SNX33: variants seen among roughly 807,000 people sequenced by gnomAD.
The protein encoded by SNX33 is sorting nexin-33.
SNX33 carries 19 observed loss-of-function variants against 38.8 expected under a neutral mutation model. That is an observed-to-expected ratio of 0.49 (90% CI 0.34 to 0.72). The LOEUF is 0.72. Ranked by LOEUF, SNX33 falls within the 30% of genes least tolerant of loss-of-function variation. The pLI, the probability that SNX33 is intolerant of heterozygous loss-of-function variation, is 0.01. For missense variants in SNX33, 641 were observed against 776.4 expected, an observed-to-expected ratio of 0.83 and a Z score of 2.07; for synonymous variants, 246 against 289.7, an observed-to-expected ratio of 0.85 and a Z score of 1.53.
intron 1 of SNX33, among the ~76,000 whole-genome samples, chr15:75,651,443 G>C (rs148457944): frequency 2.6e-5 from 4 of 152,274 alleles, no homozygotes; most frequent in Non-Finnish European, 5.9e-5. Context: ...GACCCCCTCT[G>C]TGGGGGAGGG....
chr15:75,649,837 C>T lies in SNX33; in HGVS notation c.735C>T (p.Gly245=). 6 of 1,523,478 alleles carry T rather than the reference C, an allele frequency of 3.9e-6. No homozygotes were observed. Among genetic ancestry groups the T allele is most frequent in the Non-Finnish European group, 5.3e-6 (6 of 1,136,354 alleles). The allele number at this position is 1,523,478 out of a possible 1,614,324, so 94.4% of individuals were successfully genotyped here. Residue 245 remains glycine, a synonymous_variant, in exon 1 of 2, where the codon GGC becomes GGT. Transcript: ENST00000308527. The surrounding 1 kb of genome is among the most constrained non-coding windows in gnomAD (Gnocchi z 6.6). ...EDPTKQTKFK[G]IKSYISYKLT... The stretch of plus-strand genomic sequence containing the variant: ...CCACAAAACAGACCAAATTCAAGGG[C>T]ATCAAAAGCTACATCTCCTACAAGC...
At position 75,648,095 on chromosome 15, in the gene SNX33, C is replaced by T. The variant is rs1475436319; in HGVS notation, c.-1008C>T. On this transcript the variant is annotated 5_prime_UTR_variant, in exon 1 of 2. Transcript: ENST00000308527. The surrounding 1 kb of genome is among the most constrained non-coding windows in gnomAD (Gnocchi z 4.4). ...CGGAGCTCACTCTCCAAACTCCAAA[C>T]TGTTGAGTGTGTGCGTGCACGCGAG... The T allele has an allele frequency of 2.0e-6, 2 of 985,378 alleles. No homozygotes were observed. Among genetic ancestry groups the T allele is most frequent in the African/African-American group, 1.7e-5 (1 of 57,260 alleles). The allele number at this position is 985,378 out of a possible 1,614,324, so 61.0% of individuals were successfully genotyped here.
At chr15:75,652,845 T>C (rs1169327957) in intron 1 of SNX33, among the ~76,000 whole-genome samples, 1 of 151,998 alleles carries the variant, frequency 6.6e-6, no homozygotes, top group East Asian at 1.9e-4. Context: ...CACAGCCCAA[T>C]GGGAGTGATA....
intron 1 of SNX33, among the ~76,000 whole-genome samples, chr15:75,655,206 G>C (rs1382119313): frequency 1.3e-5 from 2 of 152,276 alleles, no homozygotes; most frequent in Non-Finnish European, 2.9e-5. Context: ...AGGCAGGAAA[G>C]AGGCTGGGAG....
rs1312318255 is a variant in SNX33 at position 75,650,918 on chromosome 15, G to A, written c.1471+345G>A. On this transcript the variant is annotated intron_variant, in intron 1 of 1. Transcript: ENST00000308527. The surrounding 1 kb of genome is among the most constrained non-coding windows in gnomAD (Gnocchi z 6.1). ...TGTTGAATATCAACTCTGTGTCTGT[G>A]GCAAATGTGCTTCTAGGTGCAGGGA... is the stretch of plus-strand genomic sequence containing the variant. 6.6e-6 allele frequency among the ~76,000 whole-genome samples: 1 copy of A among 151,376 alleles called. No homozygotes were observed. Among genetic ancestry groups the A allele is most frequent in the Non-Finnish European group, 1.5e-5 (1 of 67,584 alleles).
chr15:75,649,426 C>T lies in SNX33; in HGVS notation c.324C>T (p.Ser108=). 6.5e-7 allele frequency: 1 copy of T among 1,538,916 alleles called. No individual in the cohort carries two copies. The highest frequency in any genetic ancestry group is 1.3e-5 in the South Asian group (1 of 79,016). Reference sequence around the variant, plus strand: ...GTGGCTTCCTCTCAAACCAGGGTAGCTTTGAGGAGGATGATGATGATGACT... The same window carrying T: ...GTGGCTTCCTCTCAAACCAGGGTAGTTTTGAGGAGGATGATGATGATGACT... ...GGSGFLSNQG[S]FEEDDDDDWD... The change falls in exon 1 of 2, where the codon AGC becomes AGT. Residue 108 remains serine, a synonymous_variant. Coordinates refer to ENST00000308527, the MANE Select transcript of SNX33 (RefSeq NM_153271.2). The surrounding 1 kb of genome is among the most constrained non-coding windows in gnomAD (Gnocchi z 6.6).
intron 1 of SNX33, among the ~76,000 whole-genome samples, chr15:75,652,747 C>T (rs917341833): frequency 2.6e-5 from 4 of 152,232 alleles, no homozygotes; most frequent in African/African-American, 9.6e-5. Flanking sequence ...ACTCTAAGTT[C>T]TGGGCTCTGC....
chr15:75,648,298 G>A lies in SNX33; in HGVS notation c.-805G>A. 1 of 985,252 alleles carries A rather than the reference G, an allele frequency of 1.0e-6. No homozygotes were observed. The highest frequency in any genetic ancestry group is 1.2e-6 in the Non-Finnish European group (1 of 829,908). The allele number at this position is 985,252 out of a possible 1,614,324, so 61.0% of individuals were successfully genotyped here. ...CTAGAAGTCGCCCGACAGCCTCGTC[G>A]CGCCCCCTCCTTCCTCCGGGGTTGG... On this transcript the variant is annotated 5_prime_UTR_variant, in exon 1 of 2. Transcript: ENST00000308527. This position sits in a 1 kb window ranked among gnomAD's most constrained non-coding sequence, Gnocchi z 4.4.
Position 75,657,199 on chromosome 15 carries a change from T to C in SNX33, c.1709T>C (p.Met570Thr). 6.2e-7 allele frequency: 1 copy of C among 1,614,080 alleles called. No homozygotes were observed. The change falls in exon 2 of 2, where the codon ATG becomes ACG. Residue 570 changes from methionine (M) to threonine (T), a missense_variant. Around this residue, in one of 2 missense-constraint regions of SNX33, gnomAD observed 398 missense variants for 542.5 expected, o/e 0.73. Transcript: ENST00000308527. This position sits in a 1 kb window ranked among gnomAD's most constrained non-coding sequence, Gnocchi z 5.5. ...VGQQLEKTLRMYDNL is the reference protein window; with the variant it reads ...VGQQLEKTLRTYDNL ...CAGCAGCTGGAGAAGACCCTGCGCA[T>C]GTATGACAACCTCTGACCGCGTGTG...
Position 75,657,021 on chromosome 15 carries a change from G to A in SNX33, c.1531G>A (p.Asp511Asn). 1 of 1,614,148 alleles carries A rather than the reference G, an allele frequency of 6.2e-7. No individual in the cohort carries two copies. The highest frequency in any genetic ancestry group is 8.5e-7 in the Non-Finnish European group (1 of 1,180,016). The change falls in exon 2 of 2, where the codon GAC becomes AAC. Residue 511 changes from aspartate to asparagine, a missense_variant. Physicochemically the swap from Asp to Asn is conservative, Grantham distance 23. Transcript: ENST00000308527. This position sits in a 1 kb window ranked among gnomAD's most constrained non-coding sequence, Gnocchi z 5.5. Reference sequence around the variant, plus strand: ...GAGTGACGAGGGCCGCATGGTGCAGGACGAGGCAGACGGCATTCGCAGGCG... The same window carrying A: ...GAGTGACGAGGGCCGCATGGTGCAGAACGAGGCAGACGGCATTCGCAGGCG... ...RMSDEGRMVQ[D>N]EADGIRRRCR... is the part of the protein sequence containing the mutation.
rs774735984 is a variant in SNX33, at chr15:75,650,467, G to C, written c.1365G>C (p.Glu455Asp). ...GCCGTACCTATGAAGCCATCGGGGA[G>C]ATGTTTGCTGAGCAGCCCAAGAATG... ...HTGRTYEAIG[E>D]MFAEQPKNDL... is the part of the protein sequence containing the mutation. Residue 455 changes from glutamate (E) to aspartate (D), a missense_variant, in exon 1 of 2, where the codon GAG (glutamate) becomes GAC (aspartate). Glu to Asp is a conservative substitution (Grantham distance 45). Coordinates refer to ENST00000308527, the MANE Select transcript of SNX33 (RefSeq NM_153271.2). The surrounding 1 kb of genome is among the most constrained non-coding windows in gnomAD (Gnocchi z 6.1). The C allele has an allele frequency of 1.2e-6, 2 of 1,614,046 alleles. No individual in the cohort carries two copies. The highest frequency in any genetic ancestry group is 2.7e-5 in the African/African-American group (2 of 74,922).
In SNX33 at chr15:75,657,115, T is replaced by A. The variant is rs146914502; in HGVS notation, c.1625T>A (p.Phe542Tyr). The A allele has an allele frequency of 2.7e-5, 44 of 1,614,048 alleles. No individual in the cohort carries two copies. Among genetic ancestry groups the A allele is most frequent in the Non-Finnish European group, 5.9e-6 (7 of 1,180,018 alleles). ...TTCCACCAGCGCCGTGAGCTCGACTTCAAGCACATGATGCAGAACTACTTG... is the reference window on the plus strand; with the variant it reads ...TTCCACCAGCGCCGTGAGCTCGACTACAAGCACATGATGCAGAACTACTTG... The part of the protein sequence containing the change: ...NHFHQRRELD[F>Y]KHMMQNYLRQ... The change falls in exon 2 of 2, where the codon TTC becomes TAC. Residue 542 changes from phenylalanine to tyrosine, a missense_variant. Coordinates refer to ENST00000308527, the MANE Select transcript of SNX33 (RefSeq NM_153271.2). This position sits in a 1 kb window ranked among gnomAD's most constrained non-coding sequence, Gnocchi z 5.5.
chr15:75,651,987 T>A (rs146571133), intron 1 of SNX33, among the ~76,000 whole-genome samples: 7 of 150,568 alleles, frequency 4.6e-5, no homozygotes, highest in Non-Finnish European at 1.0e-4. Flanking sequence ...CTATATCCTC[T>A]TCCTCTTCCT....
chr15:75,648,946 C>G lies in SNX33; in HGVS notation c.-157C>G, dbSNP rs970673163. On this transcript the variant is annotated 5_prime_UTR_variant, in exon 1 of 2. Transcript: ENST00000308527. The surrounding 1 kb of genome is among the most constrained non-coding windows in gnomAD (Gnocchi z 4.4). ...TTGCTTTGAAGAGGGGGAGACTGGACAGCATCTGTGGGTGCTGAGACCCCA... is the reference window on the plus strand; with the variant it reads ...TTGCTTTGAAGAGGGGGAGACTGGAGAGCATCTGTGGGTGCTGAGACCCCA... 2.3e-6 allele frequency: 2 copies of G among 851,436 alleles called. No individual in the cohort carries two copies. Among genetic ancestry groups the G allele is most frequent in the African/African-American group, 1.7e-5 (1 of 57,976 alleles). 52.7% of individuals were successfully genotyped at this position (851,436 alleles called of 1,614,324 possible).
Position 75,657,054 on chromosome 15 carries a change from G to C in SNX33, c.1564G>C (p.Val522Leu). ...EADGIRRRCR[V>L]VGFALQAEMN... is the part of the protein sequence containing the mutation. ...AGACGGCATTCGCAGGCGCTGCCGCGTGGTGGGTTTCGCCCTGCAGGCCGA... is the reference window on the plus strand; with the variant it reads ...AGACGGCATTCGCAGGCGCTGCCGCCTGGTGGGTTTCGCCCTGCAGGCCGA... Residue 522 changes from valine to leucine, a missense_variant, in exon 2 of 2, where the codon GTG becomes CTG. Physicochemically the swap from Val to Leu is conservative, Grantham distance 32. This residue lies in a region of SNX33 where 398 missense variants were observed against 542.5 expected (regional missense o/e 0.73). Transcript: ENST00000308527. The surrounding 1 kb of genome is among the most constrained non-coding windows in gnomAD (Gnocchi z 5.5). 4 of 1,614,158 alleles carry C rather than the reference G, an allele frequency of 2.5e-6. No homozygotes were observed. The highest frequency in any genetic ancestry group is 3.4e-6 in the Non-Finnish European group (4 of 1,180,014).
rs143508366 is a variant in SNX33, at chr15:75,656,709, G to C, written c.1472-253G>C. Among the ~76,000 whole-genome samples the C allele has an allele frequency of 5.8e-4, 88 of 152,308 alleles. No individual in the cohort carries two copies. In the Middle Eastern group the frequency reaches 0.014, roughly 24 times the overall value. ...AATTCATAGTCCATCAAGCAGGGCT[G>C]TGACTGGTCACATGTGGGCTACTGG... On this transcript the variant is annotated intron_variant, in intron 1 of 1. Transcript: ENST00000308527.
Position 75,650,518 on chromosome 15 carries a change from G to C in SNX33, c.1416G>C (p.Leu472=). The C allele has an allele frequency of 1.2e-6, 2 of 1,613,316 alleles. No individual in the cohort carries two copies. Among genetic ancestry groups the C allele is most frequent in the Non-Finnish European group, 8.5e-7 (1 of 1,179,718 alleles). The change falls in exon 1 of 2, where the codon CTG becomes CTC. Residue 472 remains leucine (L), a synonymous_variant. Coordinates refer to ENST00000308527, the MANE Select transcript of SNX33 (RefSeq NM_153271.2). This position sits in a 1 kb window ranked among gnomAD's most constrained non-coding sequence, Gnocchi z 6.1. ...ACCTCTTCCAGATGCTGGACACACT[G>C]TCTCTCTACCAGGGCCTGCTCTCCA... ...KNDLFQMLDT[L]SLYQGLLSNF...
In SNX33 at chr15:75,647,983, G is replaced by A. The variant is rs990676199; in HGVS notation, c.-1120G>A. The A allele has an allele frequency of 4.1e-6, 4 of 985,280 alleles. No homozygotes were observed. The Admixed American group carries it at 2.5e-4, about 61-fold the overall frequency. The allele number at this position is 985,280 out of a possible 1,614,324, so 61.0% of individuals were successfully genotyped here. A position where few individuals can be genotyped will look rare whatever the true frequency, so the allele number is the denominator to read the frequency against. ...TGCGAGCGCCGGGGAAGGCAGGCTG[G>A]GGGCGCAGCCCGCCCCCCACTGGCC... On this transcript the variant is annotated 5_prime_UTR_variant, in exon 1 of 2. Transcript: ENST00000308527.
At chr15:75,656,887 G>A in intron 1 of SNX33, 75 bp from the exon 2 acceptor site, 3 of 1,548,140 alleles carry the variant, frequency 1.9e-6, no homozygotes, top group South Asian at 1.2e-5. Flanking sequence ...TGAGGGTGCT[G>A]TCTGCCCTCA....
Sources: gnomAD v4.1 joint callset for allele counts (sites outside exome capture counted in the v4.1 genomes callset) on GRCh38, gnomAD v4.1.1 for gene constraint, gnomAD v4.1.1 regional missense constraint, Gnocchi (gnomAD v3.1) non-coding constraint, MANE v1.5 for transcripts, NCBI Gene and HGNC (gene_info 2026-07-23, HGNC 2026-07-21) for gene names.